GPR84: variants seen among roughly 807,000 people sequenced by gnomAD.
The protein encoded by GPR84 is G protein-coupled receptor 84.
Under a neutral mutation model 14.9 loss-of-function variants are expected in GPR84, and 8 were observed. That is an observed-to-expected ratio of 0.54 (90% CI 0.31 to 0.97). GPR84 has a LOEUF of 0.97. Among genes scored for constraint, GPR84 ranks in the 50% least tolerant of loss-of-function variants. The pLI is 0.04. For synonymous variants in GPR84, 164 were observed against 198.1 expected, an observed-to-expected ratio of 0.83 and a Z score of 1.45; for missense variants, 424 against 498.7, an observed-to-expected ratio of 0.85 and a Z score of 1.43.
At chr12:54,353,352 C>T in the GPR84 span, among the ~76,000 whole-genome samples, 3 of 152,102 alleles carry the variant, frequency 2.0e-5, no homozygotes, top group Non-Finnish European at 4.4e-5. Context: ...CCCCTCTCCC[C>T]CTTCCTCCCC....
At chr12:54,350,794 C>T in the GPR84 span, 51 of 527,816 alleles carry the variant, frequency 9.7e-5, no homozygotes, top group Admixed American at 1.5e-3. Flanking sequence ...CTGGATTATG[C>T]TCACATGCTC....
chr12:54,356,251 G>A, the GPR84 span, among the ~76,000 whole-genome samples: 4 of 152,218 alleles, frequency 2.6e-5, no homozygotes, highest in African/African-American at 9.6e-5. Context: ...GAAGAAAGAA[G>A]AAAGAAATGA....
Position 54,363,233 on chromosome 12 carries a change from G to C in GPR84, c.619C>G (p.Arg207Gly). The C allele has an allele frequency of 6.2e-7, 1 of 1,614,204 alleles. No individual in the cohort carries two copies. Among genetic ancestry groups the C allele is most frequent in the South Asian group, 1.1e-5 (1 of 91,082 alleles). The stretch of plus-strand genomic sequence containing the variant: ...TATTGGTCCAGTGCCTGTGCTGCTC[G>C]TTTGACCTGGCGGTGGATGAGGCAA... ...FYCLIHRQVK[R>G]AAQALDQYKL... The change falls in exon 2 of 2, where the codon CGA becomes GGA. Residue 207 changes from arginine to glycine, a missense_variant. Physicochemically the swap from Arg to Gly is moderately radical, Grantham distance 125. Coordinates refer to ENST00000267015, the MANE Select transcript of GPR84 (RefSeq NM_020370.3).
At chr12:54,357,833 T>G (rs776962361), downstream of GPR84, among the ~76,000 whole-genome samples, 3 of 152,206 alleles carry the variant, frequency 2.0e-5, no homozygotes, top group Non-Finnish European at 2.9e-5. Flanking sequence ...CCCCACCTTC[T>G]GCAAAAATGT....
Position 54,363,672 on chromosome 12 carries a change from G to A in GPR84, c.180C>T (p.Ala60=). The part of the protein sequence containing the change: ...KLRTRFNLLI[A]NLTLADLLYC... Reference sequence around the variant, plus strand: ...AGAGGAGATCAGCCAGTGTGAGGTTGGCTATGAGCAGGTTGAATCGGGTAC... The same window carrying A: ...AGAGGAGATCAGCCAGTGTGAGGTTAGCTATGAGCAGGTTGAATCGGGTAC... The change falls in exon 2 of 2, where the codon GCC becomes GCT. Residue 60 remains alanine (A), a synonymous_variant. Coordinates refer to ENST00000267015, the MANE Select transcript of GPR84 (RefSeq NM_020370.3). 6.2e-7 allele frequency: 1 copy of A among 1,614,098 alleles called. No individual in the cohort carries two copies. Among genetic ancestry groups the A allele is most frequent in the Non-Finnish European group, 8.5e-7 (1 of 1,179,948 alleles).
chr12:54,354,336 T>C, the GPR84 span, among the ~76,000 whole-genome samples: 1 of 151,942 alleles, frequency 6.6e-6, no homozygotes, highest in Non-Finnish European at 1.5e-5. Flanking sequence ...AGGCTGGTCT[T>C]GAACTCCTGG....
chr12:54,363,274 CTGCTG>C lies in GPR84; in HGVS notation c.573_577del (p.Ser192CysfsTer38). On this transcript the variant is annotated frameshift_variant, in exon 2 of 2. Coordinates refer to ENST00000267015, the MANE Select transcript of GPR84 (RefSeq NM_020370.3). LOFTEE classifies it low-confidence loss of function (END_TRUNC). ...GATGAGGCAATAGAAGATGCCAACA[CTGCTG>C]AGCCCAAGCACAAAGTAGATGCCCA... The C allele has an allele frequency of 1.9e-6, 3 of 1,614,182 alleles. No individual in the cohort carries two copies. Among genetic ancestry groups the C allele is most frequent in the Non-Finnish European group, 2.5e-6 (3 of 1,180,026 alleles).
chr12:54,354,423 C>A, the GPR84 span, among the ~76,000 whole-genome samples: 1 of 150,836 alleles, frequency 6.6e-6, no homozygotes, highest in Non-Finnish European at 1.5e-5. Context: ...GGCCTGGTGT[C>A]CTTTTTTGTT....
downstream of GPR84, among the ~76,000 whole-genome samples, chr12:54,360,967 G>T (rs76807277): frequency 0.017 from 2,568 of 152,282 alleles, 78 homozygotes; most frequent in African/African-American, 0.059. Context: ...GGGGTCTCTG[G>T]ATTCCCAGTC....
the GPR84 span, among the ~76,000 whole-genome samples, chr12:54,354,118 T>C: frequency 6.8e-6 from 1 of 146,532 alleles, no homozygotes; most frequent in Non-Finnish European, 1.5e-5. Context: ...TCTCTTTTCT[T>C]TTTTTTTTTT....
At chr12:54,359,087 G>A (rs1430528255), downstream of GPR84, among the ~76,000 whole-genome samples, 1 of 152,112 alleles carries the variant, frequency 6.6e-6, no homozygotes, top group Non-Finnish European at 1.5e-5. Flanking sequence ...CATTCCTTGA[G>A]GGGAGGGAAA....
the GPR84 span, among the ~76,000 whole-genome samples, chr12:54,355,353 T>TGTGC: frequency 1.5e-4 from 22 of 151,422 alleles, no homozygotes; most frequent in African/African-American, 2.9e-4. Flanking sequence ...TGTGTGTGTG[T>TGTGC]GCGCATGGCA....
At chr12:54,356,421 T>C in the GPR84 span, among the ~76,000 whole-genome samples, 4 of 152,122 alleles carry the variant, frequency 2.6e-5, no homozygotes, top group African/African-American at 9.7e-5. Context: ...GGTGTGTGCT[T>C]GAGGAGAGGG....
chr12:54,363,865 G>C lies in GPR84; in HGVS notation c.-8-6C>G. On this transcript the variant is annotated splice_region_variant and splice_polypyrimidine_tract_variant and intron_variant, in intron 1 of 1. Coordinates refer to ENST00000267015, the MANE Select transcript of GPR84 (RefSeq NM_020370.3). ...GCTGTTCCACATGATAGAGGCTAAA[G>C]AGGCAGAGGGTGGAAGAGGAAGAGG... 2 of 1,545,350 alleles carry C rather than the reference G, an allele frequency of 1.3e-6. No homozygotes were observed. The highest frequency in any genetic ancestry group is 4.5e-5 in the East Asian group (2 of 44,330).
Position 54,363,868 on chromosome 12 carries a change from G to A in GPR84, c.-8-9C>T. ...GTTCCACATGATAGAGGCTAAAGAG[G>A]CAGAGGGTGGAAGAGGAAGAGGGAA... On this transcript the variant is annotated splice_polypyrimidine_tract_variant and intron_variant, in intron 1 of 1. Coordinates refer to ENST00000267015, the MANE Select transcript of GPR84 (RefSeq NM_020370.3). 2 of 1,534,372 alleles carry A rather than the reference G, an allele frequency of 1.3e-6. No homozygotes were observed. The highest frequency in any genetic ancestry group is 1.8e-6 in the Non-Finnish European group (2 of 1,130,488).
chr12:54,355,603 C>T, the GPR84 span, among the ~76,000 whole-genome samples: 1 of 151,870 alleles, frequency 6.6e-6, no homozygotes, highest in African/African-American at 2.4e-5. Context: ...CCCCTCACTG[C>T]CCACCCCCCA....
chr12:54,351,246 C>T, the GPR84 span: 1 of 152,328 alleles, frequency 6.6e-6, no homozygotes, highest in Non-Finnish European at 1.5e-5. Flanking sequence ...TAACTGTCCA[C>T]CCTTACTACC....
downstream of GPR84, among the ~76,000 whole-genome samples, chr12:54,360,582 A>T (rs1954258816): frequency 6.6e-6 from 1 of 152,216 alleles, no homozygotes; most frequent in Non-Finnish European, 1.5e-5. Flanking sequence ...TCGTGGAAGG[A>T]GGACAACCAA....
At chr12:54,350,970 C>T in the GPR84 span, 4 of 190,152 alleles carry the variant, frequency 2.1e-5, no homozygotes, top group Admixed American at 5.3e-5. Flanking sequence ...TTCTATAGAA[C>T]GAGTGGGGGC....
Sources: allele counts gnomAD v4.1 joint callset (sites outside exome capture counted in the v4.1 genomes callset), GRCh38; gene constraint gnomAD v4.1.1; transcripts MANE v1.5; gene names NCBI Gene and HGNC (gene_info 2026-07-23, HGNC 2026-07-21).